Variants in IGFBP7 observed in about 807,000 individuals in gnomAD.
IGFBP7 encodes insulin-like growth factor-binding protein 7.
A neutral mutation model predicts 29.4 loss-of-function variants in IGFBP7; 31 were observed. The observed-to-expected ratio is 1.05, with a 90% CI of 0.79 to 1.42. The LOEUF (loss-of-function observed/expected upper bound fraction) is 1.42. IGFBP7 is among the 40% of genes most tolerant of loss of function. The pLI, the probability that IGFBP7 is intolerant of heterozygous loss-of-function variation, is 0.00. For synonymous variants in IGFBP7, 172 were observed against 174.9 expected (o/e 0.98, Z 0.13); for missense variants, 393 against 395.5 (o/e 0.99, Z 0.05).
intron 1 of IGFBP7, among the ~76,000 whole-genome samples, chr4:57,065,147 C>A (rs1324003033): frequency 2.6e-5 from 4 of 152,276 alleles, no homozygotes; most frequent in Non-Finnish European, 5.9e-5. Context: ...CTGGGGAGAA[C>A]TCCCCATGTG....
At chr4:57,038,543 T>C (rs1014602338) in intron 2 of IGFBP7, among the ~76,000 whole-genome samples, 1 of 152,142 alleles carries the variant, frequency 6.6e-6, no homozygotes, top group Non-Finnish European at 1.5e-5. Context: ...ACAGTCCTCC[T>C]GGAGTTCTAG....
chr4:57,040,933 C>T lies in IGFBP7; in HGVS notation c.476G>A (p.Gly159Asp). Residue 159 changes from glycine to aspartate, a missense_variant and splice_region_variant, in exon 2 of 5, where the codon GGT (glycine) becomes GAT (aspartate). Physicochemically the swap from Gly to Asp is moderately conservative, Grantham distance 94. Coordinates refer to ENST00000295666, the MANE Select transcript of IGFBP7 (RefSeq NM_001553.3). ...TQVSKGTCEQ[G>D]PSIVTPPKDI... ...CTTGGGGGGCGTCACTATGGAAGGA[C>T]CTGCAGGAGAGGGCACAAAGCCAAA... 6.2e-7 allele frequency: 1 copy of T among 1,607,686 alleles called. No homozygotes were observed. The highest frequency in any genetic ancestry group is 8.5e-7 in the Non-Finnish European group (1 of 1,174,110).
intron 1 of IGFBP7, among the ~76,000 whole-genome samples, chr4:57,107,129 G>A (rs566447768): frequency 6.6e-6 from 1 of 152,320 alleles, no homozygotes; most frequent in South Asian, 2.1e-4. Context: ...GCTCTGGGAG[G>A]TGAGTTTGTA....
chr4:57,053,464 G>A (rs573201799), intron 1 of IGFBP7, among the ~76,000 whole-genome samples: 1 of 152,254 alleles, frequency 6.6e-6, no homozygotes, highest in African/African-American at 2.4e-5. Context: ...TTCTTGAAGG[G>A]ACCCTGCTAC....
Position 57,047,161 on chromosome 4 carries a change from C to T in IGFBP7, c.476-6228G>A, listed in dbSNP as rs115260069. On this transcript the variant is annotated intron_variant, in intron 1 of 4. Coordinates refer to ENST00000295666, the MANE Select transcript of IGFBP7 (RefSeq NM_001553.3). ...CATGTGTCATGGGTTGGGGGGTACG[C>T]GGTGGAAGGTAATTGAATCATGGGG... 7.4e-3 allele frequency among the ~76,000 whole-genome samples: 1,133 copies of T among 152,180 alleles called. 15 individuals are homozygous for T. The highest frequency in any genetic ancestry group is 0.027 in the South Asian group (131 of 4,818).
chr4:57,099,144 A>T (rs1213639184), intron 1 of IGFBP7, among the ~76,000 whole-genome samples: 1 of 152,202 alleles, frequency 6.6e-6, no homozygotes, highest in African/African-American at 2.4e-5. Flanking sequence ...GCCTTTGAGC[A>T]TTTCTCACTC....
At chr4:57,081,767 C>A (rs1332573439) in intron 1 of IGFBP7, among the ~76,000 whole-genome samples, 1 of 152,128 alleles carries the variant, frequency 6.6e-6, no homozygotes, top group Non-Finnish European at 1.5e-5. Context: ...AAAGCCCCAG[C>A]ATGAAGTCTG....
At chr4:57,083,420 C>T (rs1725420073) in intron 1 of IGFBP7, among the ~76,000 whole-genome samples, 1 of 152,220 alleles carries the variant, frequency 6.6e-6, no homozygotes, top group African/African-American at 2.4e-5. Flanking sequence ...AGCAACTCTT[C>T]ACATGTTTAA....
intron 1 of IGFBP7, among the ~76,000 whole-genome samples, chr4:57,091,402 C>T (rs964326301): frequency 1.3e-5 from 2 of 152,084 alleles, no homozygotes; most frequent in African/African-American, 2.4e-5. Context: ...TGTGTGTGTC[C>T]GTGTACACAC....
intron 1 of IGFBP7, among the ~76,000 whole-genome samples, chr4:57,068,696 A>G (rs963946975): frequency 2.0e-5 from 3 of 152,210 alleles, no homozygotes; most frequent in Non-Finnish European, 4.4e-5. Flanking sequence ...GCATGTATAT[A>G]ATTATCACTG....
Position 57,042,892 on chromosome 4 carries a change from A to G in IGFBP7, c.476-1959T>C, listed in dbSNP as rs192794305. Among the ~76,000 whole-genome samples the G allele has an allele frequency of 2.6e-5, 4 of 152,320 alleles. No homozygotes were observed. The East Asian group carries it at 7.7e-4, about 29-fold the overall frequency. On this transcript the variant is annotated intron_variant, in intron 1 of 4. Transcript: ENST00000295666. ...AATCAACTGAGGGAGACTGATGCCT[A>G]AATAAGACATTATGGGAAAGTCTCA...
chr4:57,063,422 C>T (rs543469653), intron 1 of IGFBP7, among the ~76,000 whole-genome samples: 38 of 152,316 alleles, frequency 2.5e-4, no homozygotes, highest in Admixed American at 2.2e-3. Flanking sequence ...CAACGCCTGG[C>T]GTTGAGCAGG....
intron 1 of IGFBP7, among the ~76,000 whole-genome samples, chr4:57,055,862 G>A (rs376022682): frequency 4.6e-5 from 7 of 152,086 alleles, no homozygotes; most frequent in African/African-American, 1.7e-4. Flanking sequence ...AAGACATTCG[G>A]TTTGGCTTTA....
intron 1 of IGFBP7, among the ~76,000 whole-genome samples, chr4:57,100,040 T>A (rs1725857056): frequency 6.6e-6 from 1 of 150,708 alleles, no homozygotes; most frequent in Non-Finnish European, 1.5e-5. Flanking sequence ...CCTGCCAGGC[T>A]CTACGTTTCT....
At chr4:57,037,417 C>T (rs1344579241) in intron 2 of IGFBP7, among the ~76,000 whole-genome samples, 2 of 150,914 alleles carry the variant, frequency 1.3e-5, no homozygotes, top group African/African-American at 2.4e-5. Flanking sequence ...TGCTCTGTTG[C>T]CCAGGCTGGA....
intron 1 of IGFBP7, among the ~76,000 whole-genome samples, chr4:57,104,799 T>C (rs1411681587): frequency 6.6e-6 from 1 of 152,146 alleles, no homozygotes; most frequent in Non-Finnish European, 1.5e-5. Context: ...GGATTGCTGA[T>C]GACAGAAAGG....
chr4:57,062,714 A>G (rs1001221585), intron 1 of IGFBP7, among the ~76,000 whole-genome samples: 3 of 152,236 alleles, frequency 2.0e-5, no homozygotes, highest in African/African-American at 7.2e-5. Context: ...GCAAATCATT[A>G]AAAAGATGCC....
At chr4:57,063,820 C>T (rs1724852273) in intron 1 of IGFBP7, among the ~76,000 whole-genome samples, 1 of 152,130 alleles carries the variant, frequency 6.6e-6, no homozygotes, top group Admixed American at 6.6e-5. Context: ...ACCAGAGTTG[C>T]TGATTCTCAA....
At chr4:57,090,067 T>C (rs923228301) in intron 1 of IGFBP7, among the ~76,000 whole-genome samples, 4 of 152,244 alleles carry the variant, frequency 2.6e-5, no homozygotes, top group Middle Eastern at 6.8e-3. Context: ...TACAAGCAAA[T>C]AAACCCCATT....
Sources: gnomAD v4.1 joint callset for allele counts (sites outside exome capture counted in the v4.1 genomes callset) on GRCh38, gnomAD v4.1.1 for gene constraint, MANE v1.5 for transcripts, NCBI Gene and HGNC (gene_info 2026-07-23, HGNC 2026-07-21) for gene names.